The following PCDHGA1 variants were observed in gnomAD, a reference collection of about 807,000 sequenced individuals.
The protein encoded by PCDHGA1 is protocadherin gamma-A1.
Under a neutral mutation model 58.0 loss-of-function variants are expected in PCDHGA1, and 32 were observed. The ratio of observed to expected loss-of-function variants is 0.55; its 90% confidence interval spans 0.42 to 0.74. The LOEUF is 0.74. PCDHGA1 is among the 30% of genes least tolerant of loss of function. The pLI is 0.00. For missense variants in PCDHGA1, 1,205 were observed against 1,182.3 expected, an observed-to-expected ratio of 1.02 and a Z score of -0.28; for synonymous variants, 498 against 501.1, an observed-to-expected ratio of 0.99 and a Z score of 0.08.
rs925541311 is a variant in PCDHGA1 at position 141,431,452 on chromosome 5, G to C, written c.2422-63355G>C. 11 of 1,613,630 alleles carry C rather than the reference G, an allele frequency of 6.8e-6. No individual in the cohort carries two copies. The highest frequency in any genetic ancestry group is 9.3e-6 in the Non-Finnish European group (11 of 1,179,982). On this transcript the variant is annotated intron_variant, in intron 1 of 3. Transcript: ENST00000517417. The surrounding 1 kb of genome is among the most constrained non-coding windows in gnomAD (Gnocchi z 4.8). ...CAGGCACCGCGCGCATCCGCGTGAT[G>C]GTTCTGGATGCGAACGACAACGCAC...
intron 1 of PCDHGA1, chr5:141,389,454 C>T (rs544789937): frequency 6.2e-7 from 1 of 1,612,960 alleles, no homozygotes; most frequent in African/African-American, 1.3e-5. Context: ...CGAGCAGCTG[C>T]GCGCCTTCGA....
rs777710801 is a variant in PCDHGA1, at chr5:141,400,340, A to G, written c.2421+67235A>G. On this transcript the variant is annotated intron_variant, in intron 1 of 3. Transcript: ENST00000517417. ...AAGTCTGGACCTGTGGTTCCCCCCA[A>G]CTACAGTCAGGGGACTTTGCCTTAT... The G allele has an allele frequency of 5.0e-6, 8 of 1,613,856 alleles. No homozygotes were observed. The highest frequency in any genetic ancestry group is 1.3e-5 in the African/African-American group (1 of 74,922).
intron 1 of PCDHGA1, chr5:141,423,068 A>T: frequency 6.2e-7 from 1 of 1,614,090 alleles, no homozygotes; most frequent in Non-Finnish European, 8.5e-7. Context: ...AAGGCCAGCG[A>T]GCCGGGACTC....
chr5:141,375,701 C>T (rs768533909), intron 1 of PCDHGA1: 7 of 1,614,256 alleles, frequency 4.3e-6, no homozygotes, highest in South Asian at 1.1e-5. Context: ...CAGCGGGGAC[C>T]CGCCTCTTAG....
chr5:141,403,663 T>C (rs2094439679), intron 1 of PCDHGA1: 3 of 1,613,900 alleles, frequency 1.9e-6, no homozygotes, highest in African/African-American at 1.3e-5. Flanking sequence ...ATACAAATGA[T>C]AATGCCCCGG....
At position 141,491,291 on chromosome 5, in the gene PCDHGA1, C is replaced by G; in HGVS notation, c.2422-3516C>G. On this transcript the variant is annotated intron_variant, in intron 1 of 3. Coordinates refer to ENST00000517417, the MANE Select transcript of PCDHGA1 (RefSeq NM_018912.3). The surrounding 1 kb of genome is among the most constrained non-coding windows in gnomAD (Gnocchi z 6.9). ...AAATCCAGTGACTTCCTCATACACCCTCCTGAGCGTTCAGACCTTACCCTT... is the reference window on the plus strand; with the variant it reads ...AAATCCAGTGACTTCCTCATACACCGTCCTGAGCGTTCAGACCTTACCCTT... 2 of 1,614,152 alleles carry G rather than the reference C, an allele frequency of 1.2e-6. No homozygotes were observed. The highest frequency in any genetic ancestry group is 1.7e-6 in the Non-Finnish European group (2 of 1,179,974).
intron 1 of PCDHGA1, among the ~76,000 whole-genome samples, chr5:141,466,627 C>G (rs1448245449): frequency 6.6e-6 from 1 of 152,154 alleles, no homozygotes; most frequent in African/African-American, 2.4e-5. Flanking sequence ...TTCTTTGGAG[C>G]ATTGTCTCCA....
At chr5:141,488,859 G>A (rs1033425540) in intron 1 of PCDHGA1, among the ~76,000 whole-genome samples, 12 of 152,204 alleles carry the variant, frequency 7.9e-5, no homozygotes, top group African/African-American at 2.9e-4. Context: ...GCAGCACGAA[G>A]TGAGTGGGGA....
chr5:141,428,194 T>C (rs2097123409), intron 1 of PCDHGA1: 1 of 1,414,108 alleles, frequency 7.1e-7, no homozygotes, highest in Admixed American at 1.8e-5. Flanking sequence ...CGCCGCTCTC[T>C]GCGCCGCTAC....
At chr5:141,352,764 TG>T in intron 1 of PCDHGA1, 1 of 1,285,160 alleles carries the variant, frequency 7.8e-7, no homozygotes, top group African/African-American at 1.5e-5. Flanking sequence ...CTGAGGCAGG[TG>T]GATCACTTGA....
intron 1 of PCDHGA1, chr5:141,350,664 T>C: frequency 6.2e-7 from 1 of 1,614,016 alleles, no homozygotes; most frequent in South Asian, 1.1e-5. Flanking sequence ...GCAAAAGGCA[T>C]TGACTTAGAA....
chr5:141,370,966 A>T (rs1417305082), intron 1 of PCDHGA1: 1 of 1,614,000 alleles, frequency 6.2e-7, no homozygotes, highest in Middle Eastern at 1.6e-4. Flanking sequence ...GGCAGTAGGT[A>T]CCCAGAGCTA....
chr5:141,491,409 G>C lies in PCDHGA1; in HGVS notation c.2422-3398G>C, dbSNP rs2099711927. 6.2e-7 allele frequency: 1 copy of C among 1,614,000 alleles called. No homozygotes were observed. Among genetic ancestry groups the C allele is most frequent in the Non-Finnish European group, 8.5e-7 (1 of 1,180,022 alleles). The stretch of plus-strand genomic sequence containing the variant: ...AGTGCCTTCAGGGAAACGCAGACGG[G>C]GACGGGGGTGGAGGGCAGTGCTGCA... On this transcript the variant is annotated intron_variant, in intron 1 of 3. Coordinates refer to ENST00000517417, the MANE Select transcript of PCDHGA1 (RefSeq NM_018912.3). This position sits in a 1 kb window ranked among gnomAD's most constrained non-coding sequence, Gnocchi z 6.9.
At chr5:141,419,504 C>A in intron 1 of PCDHGA1, 1 of 1,612,298 alleles carries the variant, frequency 6.2e-7, no homozygotes, top group Non-Finnish European at 8.5e-7. Flanking sequence ...TGTGAGCCTG[C>A]GCGTGTTGGT....
At chr5:141,370,833 C>T (rs1305609320) in intron 1 of PCDHGA1, 4 of 1,613,946 alleles carry the variant, frequency 2.5e-6, no homozygotes, top group Non-Finnish European at 8.5e-7. Context: ...CGAACTGGCT[C>T]TCACTGGAGC....
At chr5:141,345,951 C>T in intron 1 of PCDHGA1, 2 of 1,613,632 alleles carry the variant, frequency 1.2e-6, no homozygotes, top group Non-Finnish European at 1.7e-6. Flanking sequence ...CGCGCTCAAG[C>T]AGAGCCTCGT....
intron 1 of PCDHGA1, chr5:141,427,178 A>G (rs1175390589): frequency 4.4e-6 from 2 of 456,644 alleles, no homozygotes; most frequent in Admixed American, 2.3e-5. Flanking sequence ...AAAATGGGGA[A>G]ATTAAATCCA....
intron 1 of PCDHGA1, among the ~76,000 whole-genome samples, chr5:141,438,581 TACATAC>T (rs2097977343): frequency 4.0e-5 from 2 of 49,846 alleles, no homozygotes; most frequent in Non-Finnish European, 6.5e-5. Flanking sequence ...TATACATACA[TACATAC>T]ATACATATAT....
chr5:141,499,479 C>T (rs1019775735), intron 2 of PCDHGA1, among the ~76,000 whole-genome samples: 1 of 152,146 alleles, frequency 6.6e-6, no homozygotes. Context: ...AGAACCACCA[C>T]CAACTACAGT....
Sources: allele counts gnomAD v4.1 joint callset (sites outside exome capture counted in the v4.1 genomes callset), GRCh38; gene constraint gnomAD v4.1.1; non-coding constraint Gnocchi (gnomAD v3.1); transcripts MANE v1.5; gene names NCBI Gene and HGNC (gene_info 2026-07-23, HGNC 2026-07-21).